Variants in CTDNEP1 observed in about 807,000 individuals in gnomAD.
CTDNEP1 encodes the protein C-terminal domain nuclear envelope phosphatase 1.
In CTDNEP1, 3 loss-of-function variants were observed where a neutral mutation model predicts 30.1. The observed-to-expected ratio is 0.10, with a 90% confidence interval of 0.05 to 0.26. The LOEUF (loss-of-function observed/expected upper bound fraction) is 0.26. Ranked by LOEUF, CTDNEP1 falls within the 10% of genes least tolerant of loss-of-function variation. CTDNEP1 has a pLI of 1.00. For synonymous variants in CTDNEP1, 123 were observed against 118.8 expected (o/e 1.04, Z -0.23); for missense variants, 158 against 310.4 (o/e 0.51, Z 3.69).
chr17:7,250,990 C>T (rs2142999337), intron 1 of CTDNEP1, among the ~76,000 whole-genome samples: 1 of 152,258 alleles, frequency 6.6e-6, no homozygotes, highest in East Asian at 1.9e-4. Flanking sequence ...CCCATCAAAA[C>T]CCCCAAGGGC....
In CTDNEP1 at chr17:7,251,203, T is replaced by G; in HGVS notation, c.94A>C (p.Ile32Leu). Reference protein sequence around the residue: ...SFFIYLLRRQIRTVIQYQTVR... With the variant: ...SFFIYLLRRQLRTVIQYQTVR... Reference sequence around the variant, plus strand: ...CGCCCACCCTGGCTCACCGTGCGGATCTGCCTCCGCAGAAGGTAAATGAAG... The same window carrying G: ...CGCCCACCCTGGCTCACCGTGCGGAGCTGCCTCCGCAGAAGGTAAATGAAG... Residue 32 changes from isoleucine to leucine, a missense_variant, in exon 1 of 8, where the codon ATC (isoleucine) becomes CTC (leucine). Physicochemically the swap from Ile to Leu is conservative, Grantham distance 5. Coordinates refer to ENST00000574322, the MANE Select transcript of CTDNEP1 (RefSeq NM_001143775.2). The G allele has an allele frequency of 6.3e-7, 1 of 1,599,754 alleles. No homozygotes were observed. Among genetic ancestry groups the G allele is most frequent in the African/African-American group, 1.3e-5 (1 of 74,274 alleles).
rs1257860373 is a variant in CTDNEP1 at position 7,246,501 on chromosome 17, G to A, written c.361-131C>T. ...CAACATCAAATGTCTCTGAGGACAC[G>A]AAATTCTGAACCCCCAGCCCAAACC... is the stretch of plus-strand genomic sequence containing the variant. On this transcript the variant is annotated intron_variant, in intron 4 of 7. Transcript: ENST00000574322. The surrounding 1 kb of genome is among the most constrained non-coding windows in gnomAD (Gnocchi z 4.9). 1.2e-5 allele frequency: 9 copies of A among 722,116 alleles called. 1 individual carries two copies. Among genetic ancestry groups the A allele is most frequent in the Admixed American group, 4.8e-5 (2 of 41,808 alleles). The allele number at this position is 722,116 out of a possible 1,614,324, so 44.7% of individuals were successfully genotyped here. A position where few individuals can be genotyped will look rare whatever the true frequency, so the allele number is the denominator to read the frequency against.
Position 7,244,644 on chromosome 17 carries a change from G to A in CTDNEP1, c.590-9C>T. 6.4e-7 allele frequency: 1 copy of A among 1,573,036 alleles called. No homozygotes were observed. Among genetic ancestry groups the A allele is most frequent in the Non-Finnish European group, 8.6e-7 (1 of 1,161,834 alleles). ...GATGGGGATGGCATTGTCTAGGGTGGGTGAAAATGCAGATGAGAAGAAACA... is the reference window on the plus strand; with the variant it reads ...GATGGGGATGGCATTGTCTAGGGTGAGTGAAAATGCAGATGAGAAGAAACA... On this transcript the variant is annotated splice_polypyrimidine_tract_variant and intron_variant, in intron 6 of 7. Coordinates refer to ENST00000574322, the MANE Select transcript of CTDNEP1 (RefSeq NM_001143775.2).
rs1311752023 is a variant in CTDNEP1, at chr17:7,246,605, G to T, written c.360+186C>A. ...AAAAGAGAAAGATGCCAGCGGAAAA[G>T]AATTACATCAGCACAACAAATGAAC... On this transcript the variant is annotated intron_variant, in intron 4 of 7. Coordinates refer to ENST00000574322, the MANE Select transcript of CTDNEP1 (RefSeq NM_001143775.2). The surrounding 1 kb of genome is among the most constrained non-coding windows in gnomAD (Gnocchi z 4.9). 4 of 673,644 alleles carry T rather than the reference G, an allele frequency of 5.9e-6. No homozygotes were observed. The highest frequency in any genetic ancestry group is 5.4e-5 in the African/African-American group (3 of 55,736). The allele number at this position is 673,644 out of a possible 1,614,324, so 41.7% of individuals were successfully genotyped here. A position where few individuals can be genotyped will look rare whatever the true frequency, so the allele number is the denominator to read the frequency against.
chr17:7,244,248 G>A lies in CTDNEP1; in HGVS notation c.675-3C>T. The A allele has an allele frequency of 4.3e-6, 7 of 1,613,992 alleles. No individual in the cohort carries two copies. The highest frequency in any genetic ancestry group is 5.9e-6 in the Non-Finnish European group (7 of 1,179,956). ...CGGAACGAACATCAGCGGTGAACCT[G>A]GGGTGACAATAACTTGCATTGGTAG... On this transcript the variant is annotated splice_polypyrimidine_tract_variant and splice_region_variant and intron_variant, in intron 7 of 7. Transcript: ENST00000574322.
intron 1 of CTDNEP1, among the ~76,000 whole-genome samples, chr17:7,249,651 C>T (rs1168600325): frequency 6.6e-6 from 1 of 152,174 alleles, no homozygotes; most frequent in African/African-American, 2.4e-5. Flanking sequence ...GGTGCAGTGG[C>T]TCAATCCCAG....
intron 6 of CTDNEP1, among the ~76,000 whole-genome samples, chr17:7,245,441 G>GT (rs1447246418): frequency 3.3e-5 from 5 of 151,808 alleles, no homozygotes; most frequent in Non-Finnish European, 7.4e-5. Context: ...TCCAGCCTGG[G>GT]AACAGAGTGA....
chr17:7,250,221 G>A (rs1325999426), intron 1 of CTDNEP1, among the ~76,000 whole-genome samples: 1 of 152,166 alleles, frequency 6.6e-6, no homozygotes, highest in Non-Finnish European at 1.5e-5. Flanking sequence ...ATTGAGGTAT[G>A]CTAAGGGGTA....
At chr17:7,250,506 G>C (rs1358536460) in intron 1 of CTDNEP1, among the ~76,000 whole-genome samples, 3 of 152,112 alleles carry the variant, frequency 2.0e-5, no homozygotes, top group African/African-American at 2.4e-5. Flanking sequence ...GCTGTCCTCT[G>C]ACAGGGACAC....
intron 6 of CTDNEP1, 89 bp from the exon 7 acceptor site, chr17:7,244,724 T>TA (rs2071815363): frequency 2.1e-6 from 2 of 975,388 alleles, no homozygotes; most frequent in South Asian, 1.6e-5. Flanking sequence ...GAATTATTGT[T>TA]AAAAATATAT....
In CTDNEP1 at chr17:7,246,110, T is replaced by C; in HGVS notation, c.505A>G (p.Ile169Val). The change falls in exon 6 of 8, where the codon ATC (isoleucine) becomes GTC (valine). Residue 169 changes from isoleucine to valine, a missense_variant. Coordinates refer to ENST00000574322, the MANE Select transcript of CTDNEP1 (RefSeq NM_001143775.2). This position sits in a 1 kb window ranked among gnomAD's most constrained non-coding sequence, Gnocchi z 4.9. ...CTGTGGACCACAGAGAGGTCCTTGA[T>C]GTAGCTGCCCAACTCCAAAGTGCAG... Reference protein sequence around the residue: ...QHCTLELGSYIKDLSVVHSDL... With the variant: ...QHCTLELGSYVKDLSVVHSDL... The C allele has an allele frequency of 1.2e-6, 2 of 1,613,860 alleles. No individual in the cohort carries two copies. Among genetic ancestry groups the C allele is most frequent in the East Asian group, 2.2e-5 (1 of 44,870 alleles).
At chr17:7,248,954 A>T (rs1254634439) in intron 1 of CTDNEP1, among the ~76,000 whole-genome samples, 1 of 152,176 alleles carries the variant, frequency 6.6e-6, no homozygotes, top group Non-Finnish European at 1.5e-5. Context: ...CCAAGTCACA[A>T]GTTCAGAGAA....
chr17:7,247,658 G>A (rs1402957216), intron 1 of CTDNEP1, among the ~76,000 whole-genome samples: 2 of 151,638 alleles, frequency 1.3e-5, no homozygotes, highest in African/African-American at 2.4e-5. Flanking sequence ...TAGTAGAGGC[G>A]GGGTTTAACT....
rs773104545 is a variant in CTDNEP1 at position 7,244,172 on chromosome 17, G to T, written c.*13C>A. The T allele has an allele frequency of 2.5e-6, 4 of 1,613,836 alleles. No individual in the cohort carries two copies. Among genetic ancestry groups the T allele is most frequent in the Non-Finnish European group, 3.4e-6 (4 of 1,179,912 alleles). ...TCCCCCCCACCCCAACTCAGGTGGA[G>T]GGGGAGCAGCTGTCACCAGAGCCGA... On this transcript the variant is annotated 3_prime_UTR_variant, in exon 8 of 8. Transcript: ENST00000574322.
rs202119232 is a variant in CTDNEP1 at position 7,247,195 on chromosome 17, G to T, written c.170-13C>A. 9 of 1,611,014 alleles carry T rather than the reference G, an allele frequency of 5.6e-6. No individual in the cohort carries two copies. In the Admixed American group the frequency reaches 1.0e-4, roughly 18 times the overall value. Reference sequence around the variant, plus strand: ...CTCTTCACCTGGGCTGAACCAGAGTGGGGAGGAATAATATTGACCGACCTC... The same window carrying T: ...CTCTTCACCTGGGCTGAACCAGAGTTGGGAGGAATAATATTGACCGACCTC... On this transcript the variant is annotated splice_polypyrimidine_tract_variant and intron_variant, in intron 2 of 7. Transcript: ENST00000574322.
Position 7,244,641 on chromosome 17 carries a change from G to A in CTDNEP1, c.590-6C>T, listed in dbSNP as rs1020073405. ...TTTGATGGGGATGGCATTGTCTAGG[G>A]TGGGTGAAAATGCAGATGAGAAGAA... is the stretch of plus-strand genomic sequence containing the variant. On this transcript the variant is annotated splice_region_variant and splice_polypyrimidine_tract_variant and intron_variant, in intron 6 of 7. Coordinates refer to ENST00000574322, the MANE Select transcript of CTDNEP1 (RefSeq NM_001143775.2). 2 of 1,580,880 alleles carry A rather than the reference G, an allele frequency of 1.3e-6. No homozygotes were observed. The highest frequency in any genetic ancestry group is 1.7e-4 in the Middle Eastern group (1 of 5,938).
Position 7,251,444 on chromosome 17 carries a change from G to A in CTDNEP1, c.-148C>T. ...AGAGGGGCACGGAGCGGGCGGCTCA[G>A]AAAGCCACCCCTGGCGAGGGTAAAG... On this transcript the variant is annotated 5_prime_UTR_variant, in exon 1 of 8. Coordinates refer to ENST00000574322, the MANE Select transcript of CTDNEP1 (RefSeq NM_001143775.2). 1 of 470,936 alleles carries A rather than the reference G, an allele frequency of 2.1e-6. No homozygotes were observed. Among genetic ancestry groups the A allele is most frequent in the Non-Finnish European group, 3.6e-6 (1 of 279,766 alleles). 29.2% of individuals were successfully genotyped at this position (470,936 alleles called of 1,614,324 possible).
intron 6 of CTDNEP1, among the ~76,000 whole-genome samples, chr17:7,245,159 G>T (rs1268575599): frequency 1.3e-5 from 2 of 152,178 alleles, no homozygotes; most frequent in African/African-American, 4.8e-5. Context: ...GCGCGTGGTG[G>T]CAGGTGCCTG....
In CTDNEP1 at chr17:7,244,251, G is replaced by A. The variant is rs1346257091; in HGVS notation, c.675-6C>T. ...AACGAACATCAGCGGTGAACCTGGGGTGACAATAACTTGCATTGGTAGAGT... is the reference window on the plus strand; with the variant it reads ...AACGAACATCAGCGGTGAACCTGGGATGACAATAACTTGCATTGGTAGAGT... On this transcript the variant is annotated splice_polypyrimidine_tract_variant and splice_region_variant and intron_variant, in intron 7 of 7. Transcript: ENST00000574322. 6.2e-7 allele frequency: 1 copy of A among 1,614,044 alleles called. No individual in the cohort carries two copies. Among genetic ancestry groups the A allele is most frequent in the Non-Finnish European group, 8.5e-7 (1 of 1,179,998 alleles).
Sources: gnomAD v4.1 joint callset for allele counts (sites outside exome capture counted in the v4.1 genomes callset) on GRCh38, gnomAD v4.1.1 for gene constraint, Gnocchi (gnomAD v3.1) non-coding constraint, MANE v1.5 for transcripts, NCBI Gene and HGNC (gene_info 2026-07-23, HGNC 2026-07-21) for gene names.